Variants in SDK1 observed in about 807,000 individuals in gnomAD.
The protein encoded by SDK1 is sidekick cell adhesion molecule 1, also known as protein sidekick-1.
A neutral mutation model predicts 245.5 loss-of-function variants in SDK1; 157 were observed. That is an observed-to-expected ratio of 0.64 (90% CI 0.56 to 0.73). SDK1 has a LOEUF of 0.73. Among genes scored for constraint, SDK1 ranks in the 30% least tolerant of loss-of-function variants. The probability of loss-of-function intolerance (pLI) is 0.00; values close to 1 mark genes in which losing one functional copy is unlikely to be tolerated. For missense variants in SDK1, 3,583 were observed against 3,002.3 expected (o/e 1.19, Z -4.52); for synonymous variants, 1,647 against 1,278.5 (o/e 1.29, Z -6.15).
chr7:3,404,360 A>G (rs1462680566), intron 1 of SDK1, among the ~76,000 whole-genome samples: 9 of 152,154 alleles, frequency 5.9e-5, no homozygotes. Flanking sequence ...TGGCTTTGTC[A>G]TTGTTATCAC....
intron 4 of SDK1, among the ~76,000 whole-genome samples, chr7:3,818,298 A>G (rs894716607): frequency 1.3e-5 from 2 of 152,210 alleles, no homozygotes; most frequent in African/African-American, 2.4e-5. Flanking sequence ...ATCTGGAGCT[A>G]TGTTATAATA....
At chr7:3,619,589 C>T (rs534223971) in intron 2 of SDK1, among the ~76,000 whole-genome samples, 1 of 152,306 alleles carries the variant, frequency 6.6e-6, no homozygotes, top group Non-Finnish European at 1.5e-5. Flanking sequence ...CCTGTCTAGG[C>T]ACAAATGTTT....
intron 1 of SDK1, among the ~76,000 whole-genome samples, chr7:3,508,575 G>T (rs765664079): frequency 7.2e-5 from 11 of 151,976 alleles, no homozygotes; most frequent in Non-Finnish European, 1.5e-4. Context: ...TGATATACCC[G>T]CCTGGGCCTC....
At chr7:3,671,180 A>G (rs1404937423) in intron 4 of SDK1, among the ~76,000 whole-genome samples, 3 of 152,188 alleles carry the variant, frequency 2.0e-5, no homozygotes, top group Non-Finnish European at 2.9e-5. Context: ...GAAACACTGA[A>G]CAGGATCTGG....
intron 1 of SDK1, among the ~76,000 whole-genome samples, chr7:3,523,595 G>A (rs962399938): frequency 1.3e-5 from 2 of 151,902 alleles, no homozygotes; most frequent in South Asian, 2.1e-4. Context: ...TATTCTCTGC[G>A]GTACTCAATG....
chr7:3,738,403 G>C (rs946429892), intron 4 of SDK1, among the ~76,000 whole-genome samples: 1 of 152,118 alleles, frequency 6.6e-6, no homozygotes, highest in Non-Finnish European at 1.5e-5. Flanking sequence ...ACATTGGTTT[G>C]TATGCCTCTC....
rs58243380 is a variant in SDK1, at chr7:4,232,042, C to CTTTTT, written c.5828-1196_5828-1192dup. Among the ~76,000 whole-genome samples the CTTTTT allele has an allele frequency of 3.0e-5, 4 of 131,832 alleles. 1 individual carries two copies. The highest frequency in any genetic ancestry group is 7.7e-5 in the Admixed American group (1 of 13,058). 86.5% of individuals were successfully genotyped at this position (131,832 alleles called of 152,430 possible). ...ATGAACATTTTGGCCTCTGAGCCTA[C>CTTTTT]TTTTTTTTTTTTTTTTTTTTTAACC... On this transcript the variant is annotated intron_variant, in intron 40 of 44. Coordinates refer to ENST00000404826, the MANE Select transcript of SDK1 (RefSeq NM_152744.4).
intron 13 of SDK1, among the ~76,000 whole-genome samples, chr7:3,986,900 G>A (rs374105730): frequency 2.6e-5 from 4 of 152,252 alleles, no homozygotes; most frequent in African/African-American, 4.8e-5. Context: ...AAACGTCTGC[G>A]TCCCCTCCCC....
intron 15 of SDK1, among the ~76,000 whole-genome samples, chr7:4,011,767 T>C (rs1785984256): frequency 1.3e-5 from 2 of 152,068 alleles, no homozygotes; most frequent in South Asian, 4.2e-4. Context: ...AGAAAACAGT[T>C]TGGGAGGAGT....
chr7:3,411,116 G>C (rs1229303080), intron 1 of SDK1, among the ~76,000 whole-genome samples: 1 of 152,168 alleles, frequency 6.6e-6, no homozygotes, highest in Non-Finnish European at 1.5e-5. Flanking sequence ...GTGAGGCTTG[G>C]TATTTGAGCT....
chr7:3,657,518 G>A (rs1221909133), intron 4 of SDK1, among the ~76,000 whole-genome samples: 1 of 152,204 alleles, frequency 6.6e-6, no homozygotes, highest in Non-Finnish European at 1.5e-5. Context: ...TTTAAAGCAG[G>A]AAGAGGGACT....
chr7:3,630,615 G>A (rs921591667), intron 2 of SDK1, among the ~76,000 whole-genome samples: 1 of 152,062 alleles, frequency 6.6e-6, no homozygotes, highest in Non-Finnish European at 1.5e-5. Context: ...CAGCTTGGGT[G>A]ACAGAGCAAG....
At chr7:3,359,505 AT>A (rs1162562658) in intron 1 of SDK1, among the ~76,000 whole-genome samples, 1 of 152,064 alleles carries the variant, frequency 6.6e-6, no homozygotes, top group Non-Finnish European at 1.5e-5. Context: ...TTAGTTTTTA[AT>A]TTTTTGATTG....
intron 4 of SDK1, among the ~76,000 whole-genome samples, chr7:3,795,927 T>TCA (rs1401386977): frequency 1.3e-5 from 2 of 152,166 alleles, no homozygotes; most frequent in African/African-American, 4.8e-5. Context: ...TCTGGGAAGG[T>TCA]AATGATTCAT....
At chr7:3,951,625 C>G (rs973571595) in intron 6 of SDK1, 105 bp from the exon 7 acceptor site, 1 of 967,352 alleles carries the variant, frequency 1.0e-6, no homozygotes, top group South Asian at 1.5e-5. Flanking sequence ...ACCATGCACC[C>G]TGGTAGCATT....
chr7:4,113,510 G>A (rs1315787673), intron 24 of SDK1, 71 bp downstream of exon 24: 1 of 1,528,370 alleles, frequency 6.5e-7, no homozygotes, highest in African/African-American at 1.4e-5. Context: ...ACTAATCCAG[G>A]GCTTAGGAGT....
chr7:3,585,361 A>G (rs964481301), intron 1 of SDK1, among the ~76,000 whole-genome samples: 1 of 152,234 alleles, frequency 6.6e-6, no homozygotes, highest in African/African-American at 2.4e-5. Flanking sequence ...TAATAAAGCT[A>G]GAGTAATGGA....
At chr7:3,563,387 T>C (rs1779810723) in intron 1 of SDK1, among the ~76,000 whole-genome samples, 1 of 151,530 alleles carries the variant, frequency 6.6e-6, no homozygotes, top group South Asian at 2.1e-4. Flanking sequence ...TCAAAAGAAG[T>C]TGGAAATAAA....
At position 3,390,154 on chromosome 7, in the gene SDK1, T is replaced by C. The variant is rs533149643; in HGVS notation, c.298+88270T>C. ...CTGCTTGGATTCTTCTTGCTGCTTATAGTAAAATGTGAGAAGAAATTCTAA... is the reference window on the plus strand; with the variant it reads ...CTGCTTGGATTCTTCTTGCTGCTTACAGTAAAATGTGAGAAGAAATTCTAA... On this transcript the variant is annotated intron_variant, in intron 1 of 44. Coordinates refer to ENST00000404826, the MANE Select transcript of SDK1 (RefSeq NM_152744.4). Among the ~76,000 whole-genome samples the C allele has an allele frequency of 5.8e-4, 89 of 152,296 alleles. 1 individual carries two copies. Among genetic ancestry groups the C allele is most frequent in the Middle Eastern group, 3.4e-3 (1 of 294 alleles).
Sources: gnomAD v4.1 joint callset for allele counts (sites outside exome capture counted in the v4.1 genomes callset) on GRCh38, gnomAD v4.1.1 for gene constraint, MANE v1.5 for transcripts, NCBI Gene and HGNC (gene_info 2026-07-23, HGNC 2026-07-21) for gene names.